Variants in PITPNC1 observed in about 807,000 individuals in gnomAD.
PITPNC1 encodes the protein cytoplasmic phosphatidylinositol transfer protein 1.
PITPNC1 carries 18 observed loss-of-function variants against 44.7 expected under a neutral mutation model. The observed-to-expected ratio is 0.40, with a 90% confidence interval of 0.28 to 0.60. PITPNC1 has a LOEUF of 0.60. PITPNC1 is among the 20% of genes least tolerant of loss of function. The pLI is 0.39. For synonymous variants in PITPNC1, 141 were observed against 149.6 expected, an observed-to-expected ratio of 0.94 and a Z score of 0.42; for missense variants, 290 against 418.4, an observed-to-expected ratio of 0.69 and a Z score of 2.68.
intron 1 of PITPNC1, among the ~76,000 whole-genome samples, chr17:67,403,216 T>TAAAAAAAA (rs1567976494): frequency 9.9e-5 from 1 of 10,114 alleles, no homozygotes; most frequent in Non-Finnish European, 1.9e-4. Context: ...ACCTCATCTC[T>TAAAAAAAA]ACAAAAAAAA....
chr17:67,443,984 CATT>C, intron 1 of PITPNC1, among the ~76,000 whole-genome samples: 2 of 152,006 alleles, frequency 1.3e-5, no homozygotes, highest in African/African-American at 4.8e-5. Flanking sequence ...TTGGTCTTGT[CATT>C]AGCCAGCTTT....
chr17:67,658,867 A>AG lies in PITPNC1; in HGVS notation c.463-10635dup, dbSNP rs548680350. ...GCCTGTCCATATTCTGGTCAACTGC[A>AG]GGGGGGAAGCCATGTCTTCTAAGCC... On this transcript the variant is annotated intron_variant, in intron 6 of 8. Coordinates refer to ENST00000581322, the MANE Select transcript of PITPNC1 (RefSeq NM_012417.4). Among the ~76,000 whole-genome samples the AG allele has an allele frequency of 2.1e-3, 322 of 152,214 alleles. 1 individual carries two copies. The highest frequency in any genetic ancestry group is 6.7e-3 in the African/African-American group (279 of 41,540).
At chr17:67,460,058 C>G (rs1251977271) in intron 1 of PITPNC1, among the ~76,000 whole-genome samples, 2 of 152,168 alleles carry the variant, frequency 1.3e-5, no homozygotes, top group African/African-American at 4.8e-5. Flanking sequence ...GTCAACAGGG[C>G]AGAAAAGGGG....
chr17:67,692,390 G>T (rs1267890398), intron 8 of PITPNC1, among the ~76,000 whole-genome samples, 182 bp from the exon 9 acceptor site: 1 of 152,150 alleles, frequency 6.6e-6, no homozygotes, highest in Non-Finnish European at 1.5e-5. Context: ...TGTTTTCAGG[G>T]TGTAGCTTCC....
chr17:67,605,259 G>A (rs1378013676), intron 5 of PITPNC1, among the ~76,000 whole-genome samples: 1 of 152,122 alleles, frequency 6.6e-6, no homozygotes, highest in African/African-American at 2.4e-5. Context: ...GAGATCAAGT[G>A]CCAAAGGACA....
chr17:67,497,670 C>T (rs1382069792), intron 1 of PITPNC1, among the ~76,000 whole-genome samples: 3 of 150,418 alleles, frequency 2.0e-5, no homozygotes, highest in African/African-American at 4.9e-5. Flanking sequence ...TGGGACCACA[C>T]GTGTGAGCCA....
Position 67,694,510 on chromosome 17 carries a change from C to CT in PITPNC1, c.*1622_*1623insT, listed in dbSNP as rs2042978723. 6.6e-6 allele frequency: 1 copy of CT among 152,218 alleles called. No individual in the cohort carries two copies. Among genetic ancestry groups the CT allele is most frequent in the Non-Finnish European group, 1.5e-5 (1 of 68,068 alleles). The allele number at this position is 152,218 out of a possible 1,614,324, so 9.4% of individuals were successfully genotyped here. A position where few individuals can be genotyped will look rare whatever the true frequency, so the allele number is the denominator to read the frequency against. On this transcript the variant is annotated 3_prime_UTR_variant, in exon 9 of 9. Coordinates refer to ENST00000581322, the MANE Select transcript of PITPNC1 (RefSeq NM_012417.4). ...CTGTGTAGTGTCTTTCAGGTTGATA[C>CT]ACTCTCCCAAGGTGCAGGCGCTGGC...
intron 1 of PITPNC1, among the ~76,000 whole-genome samples, chr17:67,454,210 C>T (rs2039224006): frequency 6.6e-6 from 1 of 150,692 alleles, no homozygotes; most frequent in Non-Finnish European, 1.5e-5. Flanking sequence ...AAGATTGTGC[C>T]ACTGCACTAT....
At position 67,693,892 on chromosome 17, in the gene PITPNC1, T is replaced by A. The variant is rs2042970253; in HGVS notation, c.*1004T>A. On this transcript the variant is annotated 3_prime_UTR_variant, in exon 9 of 9. Coordinates refer to ENST00000581322, the MANE Select transcript of PITPNC1 (RefSeq NM_012417.4). ...GTTTTACTCTTAGTAACATCCAGAA[T>A]TCCCTGGAACAGATTGCCTACCACC... 1 of 152,202 alleles carries A rather than the reference T, an allele frequency of 6.6e-6. No individual in the cohort carries two copies. The highest frequency in any genetic ancestry group is 2.4e-5 in the African/African-American group (1 of 41,466). 9.4% of individuals were successfully genotyped at this position (152,202 alleles called of 1,614,324 possible). A position where few individuals can be genotyped will look rare whatever the true frequency, so the allele number is the denominator to read the frequency against.
At chr17:67,599,649 G>A (rs1414069231) in intron 5 of PITPNC1, among the ~76,000 whole-genome samples, 2 of 152,190 alleles carry the variant, frequency 1.3e-5, no homozygotes, top group Non-Finnish European at 1.5e-5. Context: ...AAAAGGTCCT[G>A]TGAGAATGAG....
intron 1 of PITPNC1, among the ~76,000 whole-genome samples, chr17:67,442,853 C>A (rs1426370231): frequency 6.6e-6 from 1 of 151,646 alleles, no homozygotes; most frequent in Non-Finnish European, 1.5e-5. Flanking sequence ...AGACTCTGTC[C>A]CAGAAAAACT....
intron 6 of PITPNC1, among the ~76,000 whole-genome samples, chr17:67,655,558 C>CA (rs796111267): frequency 0.22 from 8,799 of 40,852 alleles, 1,422 homozygotes; most frequent in East Asian, 0.29. Context: ...AGACTCATCT[C>CA]AAAAAAAAAA....
chr17:67,444,761 G>A (rs1231694293), intron 1 of PITPNC1, among the ~76,000 whole-genome samples: 3 of 152,022 alleles, frequency 2.0e-5, no homozygotes, highest in African/African-American at 7.2e-5. Context: ...GCCGAGCGTG[G>A]TGGCATGTGC....
intron 8 of PITPNC1, among the ~76,000 whole-genome samples, chr17:67,692,003 C>T (rs1432957281): frequency 2.7e-5 from 4 of 149,944 alleles, no homozygotes; most frequent in South Asian, 4.2e-4. Flanking sequence ...AGTGAGATCC[C>T]GTCTCAGAAA....
At chr17:67,385,412 A>G (rs373567450) in intron 1 of PITPNC1, among the ~76,000 whole-genome samples, 6 of 152,094 alleles carry the variant, frequency 3.9e-5, no homozygotes, top group Admixed American at 6.6e-5. Context: ...AGCAATCAGC[A>G]CTCTGTAAAA....
intron 6 of PITPNC1, among the ~76,000 whole-genome samples, chr17:67,635,301 A>G (rs1163728821): frequency 6.6e-6 from 1 of 152,094 alleles, no homozygotes; most frequent in African/African-American, 2.4e-5. Flanking sequence ...TTGGAGGTAT[A>G]TTTTGAAGAT....
chr17:67,497,818 A>G (rs953613708), intron 1 of PITPNC1, among the ~76,000 whole-genome samples: 59 of 146,110 alleles, frequency 4.0e-4, no homozygotes, highest in Middle Eastern at 4.1e-3. Context: ...GTGAGCCACC[A>G]TGCCCAGCCT....
chr17:67,652,108 A>C (rs2042215671), intron 6 of PITPNC1, among the ~76,000 whole-genome samples: 2 of 152,352 alleles, frequency 1.3e-5, no homozygotes, highest in South Asian at 4.1e-4. Flanking sequence ...AGCATTTATC[A>C]AAAACTTCTC....
chr17:67,483,036 A>G (rs2039725215), intron 1 of PITPNC1, among the ~76,000 whole-genome samples: 1 of 152,070 alleles, frequency 6.6e-6, no homozygotes, highest in Admixed American at 6.6e-5. Flanking sequence ...CCTACCATCA[A>G]AAGGAACTTC....
Sources: allele counts gnomAD v4.1 joint callset (sites outside exome capture counted in the v4.1 genomes callset), GRCh38; gene constraint gnomAD v4.1.1; transcripts MANE v1.5; gene names NCBI Gene and HGNC (gene_info 2026-07-23, HGNC 2026-07-21).